The following ACSS1 variants were observed in gnomAD, a reference collection of about 807,000 sequenced individuals.
ACSS1 encodes the protein acetyl-coenzyme A synthetase 2-like, mitochondrial.
A neutral mutation model predicts 75.3 loss-of-function variants in ACSS1; 42 were observed. The ratio of observed to expected loss-of-function variants is 0.56; its 90% CI spans 0.44 to 0.72. ACSS1 has a LOEUF of 0.72. Ranked by LOEUF, ACSS1 falls within the 30% of genes least tolerant of loss-of-function variation. The pLI is 0.00. For synonymous variants in ACSS1, 380 were observed against 376.8 expected (o/e 1.01, Z -0.10); for missense variants, 782 against 935.7 (o/e 0.84, Z 2.14).
At chr20:25,028,644 G>A (rs994636367) in intron 3 of ACSS1, among the ~76,000 whole-genome samples, 5 of 152,316 alleles carry the variant, frequency 3.3e-5, no homozygotes, top group Admixed American at 6.5e-5. Flanking sequence ...ATGTAAAAAG[G>A]TAAAACTTAA....
At chr20:25,008,752 G>A (rs945769682) in intron 13 of ACSS1, among the ~76,000 whole-genome samples, 2 of 152,234 alleles carry the variant, frequency 1.3e-5, no homozygotes, top group African/African-American at 4.8e-5. Context: ...AGGGGCTGGA[G>A]AACCCTGGTA....
chr20:25,037,103 G>T (rs1285947598), intron 2 of ACSS1, among the ~76,000 whole-genome samples: 2 of 152,214 alleles, frequency 1.3e-5, no homozygotes, highest in Non-Finnish European at 2.9e-5. Flanking sequence ...CTGGCAGTCA[G>T]TATTCATGAA....
At position 25,007,887 on chromosome 20, in the gene ACSS1, T is replaced by G; in HGVS notation, c.1945A>C (p.Arg649=). 6.2e-7 allele frequency: 1 copy of G among 1,614,170 alleles called. No homozygotes were observed. ...TGGGCCTCACTAGTGATGATCTTCC[T>G]CAGGAGCCGCCGCATGACCTTCCCA... ...RSGKVMRRLL[R]KIITSEAQEL... The change falls in exon 14 of 14, where the codon AGG becomes CGG. Residue 649 remains arginine, a synonymous_variant. Coordinates refer to ENST00000323482, the MANE Select transcript of ACSS1 (RefSeq NM_032501.4).
At chr20:25,048,406 G>C (rs1030272427) in intron 1 of ACSS1, among the ~76,000 whole-genome samples, 4 of 152,126 alleles carry the variant, frequency 2.6e-5, no homozygotes, top group African/African-American at 7.2e-5. Flanking sequence ...ATTTTGAAGT[G>C]GTTGCTTCAC....
chr20:25,043,905 T>A (rs1436220394), intron 2 of ACSS1, among the ~76,000 whole-genome samples: 1 of 152,182 alleles, frequency 6.6e-6, no homozygotes, highest in African/African-American at 2.4e-5. Flanking sequence ...TAAAACTTGG[T>A]CCTCTGGCTT....
At chr20:25,027,779 CAA>C (rs78414153) in intron 3 of ACSS1, among the ~76,000 whole-genome samples, 25 of 75,314 alleles carry the variant, frequency 3.3e-4, no homozygotes, top group Admixed American at 5.5e-4. Context: ...AGTGATCAGG[CAA>C]AAAAAAAAAA....
rs191244325 is a variant in ACSS1 at position 25,015,019 on chromosome 20, G to A, written c.1339+119C>T. On this transcript the variant is annotated intron_variant, in intron 8 of 13. Coordinates refer to ENST00000323482, the MANE Select transcript of ACSS1 (RefSeq NM_032501.4). ...TAGGCTCCAGGGTTTCCGCAGTCTC[G>A]GGCGTTGAAGCGTCTTCTATCGCAC... 753 of 801,976 alleles carry A rather than the reference G, an allele frequency of 9.4e-4. 3 individuals carry two copies. Among genetic ancestry groups the A allele is most frequent in the Non-Finnish European group, 1.2e-3 (650 of 532,006 alleles). The allele number at this position is 801,976 out of a possible 1,614,324, so 49.7% of individuals were successfully genotyped here.
At chr20:25,031,320 C>T (rs2088820654) in intron 2 of ACSS1, among the ~76,000 whole-genome samples, 1 of 152,028 alleles carries the variant, frequency 6.6e-6, no homozygotes, top group African/African-American at 2.4e-5. Flanking sequence ...CAGTCATGAC[C>T]CACAGTCATA....
intron 7 of ACSS1, 116 bp from the exon 8 acceptor site, chr20:25,015,346 T>A: frequency 1.2e-5 from 10 of 815,042 alleles, no homozygotes; most frequent in Non-Finnish European, 1.9e-5. Flanking sequence ...AGTCTCACTC[T>A]GTCTCCCAGG....
intron 13 of ACSS1, 48 bp downstream of exon 13, chr20:25,009,222 G>T: frequency 1.4e-6 from 2 of 1,432,416 alleles, no homozygotes; most frequent in African/African-American, 2.8e-5. Flanking sequence ...CTTGACAATT[G>T]TGGGAAGAAC....
chr20:25,015,991 T>A (rs1284189971), intron 7 of ACSS1, among the ~76,000 whole-genome samples: 1 of 152,200 alleles, frequency 6.6e-6, no homozygotes, highest in Non-Finnish European at 1.5e-5. Flanking sequence ...CAGAAGTGGC[T>A]ATGTAAAGGG....
At chr20:25,024,364 G>T (rs958553801) in intron 3 of ACSS1, among the ~76,000 whole-genome samples, 2 of 152,236 alleles carry the variant, frequency 1.3e-5, no homozygotes, top group Non-Finnish European at 2.9e-5. Flanking sequence ...GGAAAAGGAG[G>T]TGTCCTCCAC....
chr20:25,053,060 C>CTTTTTTTTTTTTTTTTTTTTTTTT (rs1171891974), intron 1 of ACSS1, among the ~76,000 whole-genome samples: 1 of 118,140 alleles, frequency 8.5e-6, no homozygotes, highest in African/African-American at 3.7e-5. Context: ...TCACAATGAG[C>CTTTTTTTTTTTTTTTTTTTTTTTT]TTTTTTTTTT....
chr20:25,012,454 G>A, intron 12 of ACSS1, 147 bp downstream of exon 12: 1 of 1,013,660 alleles, frequency 9.9e-7, no homozygotes, highest in Non-Finnish European at 1.5e-6. Context: ...CTCCCCTACA[G>A]TTTCCACTTG....
intron 3 of ACSS1, among the ~76,000 whole-genome samples, chr20:25,025,686 G>A (rs116397380): frequency 0.016 from 2,428 of 152,236 alleles, 83 homozygotes; most frequent in African/African-American, 0.055. Context: ...GATTAAGGTC[G>A]CCTTTTCCTT....
intron 2 of ACSS1, chr20:25,046,695 G>A (rs6132792): frequency 0.28 from 191,697 of 693,334 alleles, 30,239 homozygotes; most frequent in African/African-American, 0.54. Flanking sequence ...TTCGCAGGCA[G>A]ATGGAGCTGG....
At chr20:25,016,254 A>G (rs2088514058) in intron 7 of ACSS1, among the ~76,000 whole-genome samples, 1 of 152,140 alleles carries the variant, frequency 6.6e-6, no homozygotes, top group Non-Finnish European at 1.5e-5. Flanking sequence ...CACTGTGGTC[A>G]TGGTTCGGGT....
intron 2 of ACSS1, among the ~76,000 whole-genome samples, chr20:25,035,191 G>A (rs1009152068): frequency 1.3e-5 from 2 of 151,426 alleles, no homozygotes; most frequent in South Asian, 2.1e-4. Flanking sequence ...CACCGCACCC[G>A]GCCGACCATA....
chr20:25,030,350 A>T (rs1167393069), intron 3 of ACSS1, among the ~76,000 whole-genome samples: 2 of 152,170 alleles, frequency 1.3e-5, no homozygotes, highest in Non-Finnish European at 1.5e-5. Flanking sequence ...CAGATCCCCA[A>T]ATATGGTCCA....
Sources: gnomAD v4.1 joint callset for allele counts (sites outside exome capture counted in the v4.1 genomes callset) on GRCh38, gnomAD v4.1.1 for gene constraint, MANE v1.5 for transcripts, NCBI Gene and HGNC (gene_info 2026-07-23, HGNC 2026-07-21) for gene names.